The following CEMIP variants were observed in gnomAD, a reference collection of about 807,000 sequenced individuals.
CEMIP encodes cell migration-inducing and hyaluronan-binding protein.
Under a neutral mutation model 156.9 loss-of-function variants are expected in CEMIP, and 105 were observed. The observed-to-expected ratio is 0.67, with a 90% CI of 0.57 to 0.79. The LOEUF is 0.79. Among genes scored for constraint, CEMIP ranks in the 30% least tolerant of loss-of-function variants. The pLI, the probability that CEMIP is intolerant of heterozygous loss-of-function variation, is 0.00. For missense variants in CEMIP, 1,457 were observed against 1,769.4 expected (o/e 0.82, Z 3.17); for synonymous variants, 676 against 668.4 (o/e 1.01, Z -0.17).
At chr15:80,805,597 G>T (rs1293703446) in intron 1 of CEMIP, among the ~76,000 whole-genome samples, 1 of 152,092 alleles carries the variant, frequency 6.6e-6, no homozygotes, top group Non-Finnish European at 1.5e-5. Flanking sequence ...GTCTACTGTT[G>T]AATTAATTAA....
At chr15:80,926,042 A>G (rs1900653625) in intron 19 of CEMIP, among the ~76,000 whole-genome samples, 1 of 152,256 alleles carries the variant, frequency 6.6e-6, no homozygotes, top group Non-Finnish European at 1.5e-5. Context: ...CATGCGGACC[A>G]TCAGCTAAGG....
intron 1 of CEMIP, among the ~76,000 whole-genome samples, chr15:80,870,695 G>A (rs1197778632): frequency 6.6e-6 from 1 of 152,206 alleles, no homozygotes; most frequent in Non-Finnish European, 1.5e-5. Flanking sequence ...TCTTGACCCT[G>A]TGAGGTCCAG....
intron 1 of CEMIP, among the ~76,000 whole-genome samples, chr15:80,797,110 G>A (rs1896250023): frequency 6.6e-6 from 1 of 152,178 alleles, no homozygotes. Flanking sequence ...AAAGGTTCGT[G>A]TGACACTTCA....
intron 14 of CEMIP, among the ~76,000 whole-genome samples, chr15:80,910,488 G>A (rs1900009988): frequency 6.6e-6 from 1 of 152,268 alleles, no homozygotes; most frequent in African/African-American, 2.4e-5. Flanking sequence ...GGGAAAATGA[G>A]GAGGCTGTCT....
chr15:80,836,639 C>CCTCCTGGGTTTTCTGCCTCCTTAT, intron 1 of CEMIP, among the ~76,000 whole-genome samples: 1 of 148,948 alleles, frequency 6.7e-6, no homozygotes. Context: ...TGCCTCCTTA[C>CCTCCTGGGTTTTCTGCCTCCTTAT]CTCCTGGGTT....
intron 1 of CEMIP, among the ~76,000 whole-genome samples, chr15:80,822,835 T>C (rs1413675307): frequency 2.0e-5 from 3 of 152,320 alleles, no homozygotes; most frequent in African/African-American, 7.2e-5. Context: ...TTATATGCCT[T>C]GATTGACTTC....
intron 16 of CEMIP, among the ~76,000 whole-genome samples, 165 bp downstream of exon 16, chr15:80,921,266 T>C (rs952803396): frequency 1.3e-5 from 2 of 151,616 alleles, no homozygotes; most frequent in Admixed American, 1.3e-4. Flanking sequence ...CTGGGGGTGG[T>C]GGGGCAGGGG....
chr15:80,823,532 C>T (rs2141659221), intron 1 of CEMIP, among the ~76,000 whole-genome samples: 1 of 152,242 alleles, frequency 6.6e-6, no homozygotes, highest in African/African-American at 2.4e-5. Flanking sequence ...CCACCTTCTC[C>T]CCTAGACCCT....
intron 14 of CEMIP, among the ~76,000 whole-genome samples, chr15:80,915,795 G>GT (rs1260064468): frequency 5.9e-5 from 9 of 151,896 alleles, no homozygotes; most frequent in Admixed American, 4.6e-4. Context: ...GGTTGTCCGG[G>GT]TTTTTTTCTT....
intron 1 of CEMIP, among the ~76,000 whole-genome samples, chr15:80,790,557 G>T (rs567722202): frequency 1.3e-5 from 2 of 152,180 alleles, no homozygotes; most frequent in African/African-American, 4.8e-5. Flanking sequence ...CAGTGAAGCC[G>T]CATCACTTAT....
intron 12 of CEMIP, among the ~76,000 whole-genome samples, chr15:80,905,307 A>G (rs1480745909): frequency 2.6e-5 from 4 of 152,210 alleles, no homozygotes; most frequent in African/African-American, 4.8e-5. Flanking sequence ...TGTATCCTCA[A>G]ATGGAAGAGA....
At chr15:80,930,588 T>C (rs1362606910) in intron 21 of CEMIP, among the ~76,000 whole-genome samples, 7 of 152,134 alleles carry the variant, frequency 4.6e-5, no homozygotes, top group African/African-American at 1.4e-4. Flanking sequence ...AAAAAATGCA[T>C]GGAGCCACCC....
At chr15:80,806,333 T>A (rs1896513248) in intron 1 of CEMIP, among the ~76,000 whole-genome samples, 1 of 107,292 alleles carries the variant, frequency 9.3e-6, no homozygotes, top group South Asian at 2.6e-4. Context: ...ATCCAGTTGA[T>A]CTAGAAGAAA....
intron 1 of CEMIP, among the ~76,000 whole-genome samples, chr15:80,816,090 A>G (rs567325616): frequency 1.3e-5 from 2 of 152,334 alleles, no homozygotes; most frequent in African/African-American, 4.8e-5. Flanking sequence ...TTTTACTGTG[A>G]AAAGTCAGCG....
Position 80,920,311 on chromosome 15 carries a change from G to C in CEMIP, c.2003+12G>C. 6.2e-7 allele frequency: 1 copy of C among 1,611,622 alleles called. No individual in the cohort carries two copies. The highest frequency in any genetic ancestry group is 1.1e-5 in the South Asian group (1 of 90,998). ...AGGCAAGACTGCAAGTAAGTGCCTG[G>C]ACCCCTCTCTGTGTGCTGGGGGGAA... is the stretch of plus-strand genomic sequence containing the variant. On this transcript the variant is annotated intron_variant, in intron 15 of 29. Transcript: ENST00000394685.
intron 1 of CEMIP, among the ~76,000 whole-genome samples, chr15:80,861,001 C>T (rs181568753): frequency 7.2e-5 from 11 of 152,130 alleles, no homozygotes; most frequent in Admixed American, 7.2e-4. Context: ...CTCTGTAGCT[C>T]TTTGTGTGAT....
intron 1 of CEMIP, among the ~76,000 whole-genome samples, chr15:80,869,581 T>C (rs1898221323): frequency 6.6e-6 from 1 of 152,190 alleles, no homozygotes. Flanking sequence ...GTACCATCTC[T>C]TTATCTTCCT....
rs1901003214 is a variant in CEMIP at position 80,933,467 on chromosome 15, A to C, written c.3009+7A>C. ...CAGTGGGTGCTATGCACAGGTGGGG[A>C]CACCATTCTGGGGGCCGGCCACTCA... On this transcript the variant is annotated splice_region_variant and intron_variant, in intron 23 of 29. Transcript: ENST00000394685. 1 of 1,611,422 alleles carries C rather than the reference A, an allele frequency of 6.2e-7. No homozygotes were observed. Among genetic ancestry groups the C allele is most frequent in the African/African-American group, 1.3e-5 (1 of 74,874 alleles).
At position 80,949,401 on chromosome 15, in the gene CEMIP, T is replaced by C; in HGVS notation, c.*477T>C. ...GGCCTTAAGGAAATCTTTACTCCTG[T>C]AAGCAAGAGCCAACCTCACAGGATT... On this transcript the variant is annotated 3_prime_UTR_variant, in exon 30 of 30. Transcript: ENST00000394685. 4.1e-6 allele frequency: 1 copy of C among 242,910 alleles called. No homozygotes were observed. The highest frequency in any genetic ancestry group is 9.7e-5 in the East Asian group (1 of 10,290). The allele number at this position is 242,910 out of a possible 1,614,324, so 15.0% of individuals were successfully genotyped here.
Sources: gnomAD v4.1 joint callset for allele counts (sites outside exome capture counted in the v4.1 genomes callset) on GRCh38, gnomAD v4.1.1 for gene constraint, MANE v1.5 for transcripts, NCBI Gene and HGNC (gene_info 2026-07-23, HGNC 2026-07-21) for gene names.